Variants in RFX7 observed in about 807,000 individuals in gnomAD.
RFX7 encodes the protein regulatory factor X7, also known as DNA-binding protein RFX7.
In RFX7, 26 loss-of-function variants were observed where a neutral mutation model predicts 111.8. That is an observed-to-expected ratio of 0.23 (90% CI 0.17 to 0.32). RFX7 has a LOEUF of 0.32. Ranked by LOEUF, RFX7 falls within the 10% of genes least tolerant of loss-of-function variation. The pLI is 1.00. For synonymous variants in RFX7, 624 were observed against 624.4 expected (o/e 1.00, Z 0.01); for missense variants, 1,573 against 1,772.9 (o/e 0.89, Z 2.02).
rs9972586 is a variant in RFX7, at chr15:56,092,441, G to A, written c.*904C>T. The A allele has an allele frequency of 0.97, 147,052 of 152,254 alleles. 71,210 individuals carry two copies. Among genetic ancestry groups the A allele is most frequent in the East Asian group, 1 (5,185 of 5,186 alleles). 9.4% of individuals were successfully genotyped at this position (152,254 alleles called of 1,614,324 possible). A position where few individuals can be genotyped will look rare whatever the true frequency, so the allele number is the denominator to read the frequency against. On this transcript the variant is annotated 3_prime_UTR_variant, in exon 10 of 10. Coordinates refer to ENST00000559447, the MANE Select transcript of RFX7 (RefSeq NM_022841.7). ...ATGAAAAATTTCAAAGTAAATCTCA[G>A]TTAGAATCTCAATATGTACATGCAG...
chr15:56,114,813 T>C (rs575760244), intron 5 of RFX7, among the ~76,000 whole-genome samples: 43 of 152,212 alleles, frequency 2.8e-4, no homozygotes, highest in African/African-American at 9.6e-4. Context: ...TGAATCATGA[T>C]TCACAGGTTA....
chr15:56,188,887 C>T (rs933843588), intron 2 of RFX7, among the ~76,000 whole-genome samples: 8 of 152,128 alleles, frequency 5.3e-5, no homozygotes, highest in African/African-American at 9.7e-5. Context: ...GGCTGGAATG[C>T]AGTGGTGCGA....
chr15:56,157,468 G>A (rs1390975363), intron 3 of RFX7, among the ~76,000 whole-genome samples: 2 of 152,042 alleles, frequency 1.3e-5, no homozygotes, highest in African/African-American at 4.8e-5. Flanking sequence ...CTGATTTTTT[G>A]TGCTACATCT....
At chr15:56,155,455 T>C (rs2042640258) in intron 3 of RFX7, among the ~76,000 whole-genome samples, 1 of 152,192 alleles carries the variant, frequency 6.6e-6, no homozygotes, top group Non-Finnish European at 1.5e-5. Flanking sequence ...TGAGTTCATG[T>C]CCTTTGCAGG....
chr15:56,232,130 C>T (rs540846746), intron 2 of RFX7, among the ~76,000 whole-genome samples: 108 of 152,310 alleles, frequency 7.1e-4, no homozygotes, highest in African/African-American at 2.5e-3. Flanking sequence ...ATCTACCATT[C>T]TGGGGTCTGG....
rs189966236 is a variant in RFX7, at chr15:56,224,208, G to A, written c.161+18917C>T. On this transcript the variant is annotated intron_variant, in intron 2 of 9. Coordinates refer to ENST00000559447, the MANE Select transcript of RFX7 (RefSeq NM_022841.7). The stretch of plus-strand genomic sequence containing the variant: ...CGGTGCCAGTCCTGGTAAGGGAACC[G>A]TGTGTAAGAGAAAGGAGGATAGAGA... Among the ~76,000 whole-genome samples the A allele has an allele frequency of 6.7e-3, 1,014 of 152,088 alleles. 6 individuals carry two copies. The highest frequency in any genetic ancestry group is 8.6e-3 in the Non-Finnish European group (587 of 67,950).
In RFX7 at chr15:56,144,503, A is replaced by C. The variant is rs1036828469; in HGVS notation, c.196-20T>G. ...TTCTTGCTATTTACAAAGGATTAAA[A>C]AGAAAGATCATTTTTAAAAAACACT... On this transcript the variant is annotated intron_variant, in intron 3 of 9. Coordinates refer to ENST00000559447, the MANE Select transcript of RFX7 (RefSeq NM_022841.7). 7.7e-7 allele frequency: 1 copy of C among 1,305,186 alleles called. No individual in the cohort carries two copies. Among genetic ancestry groups the C allele is most frequent in the Non-Finnish European group, 1.0e-6 (1 of 970,556 alleles). The allele number at this position is 1,305,186 out of a possible 1,614,324, so 80.9% of individuals were successfully genotyped here. A position where few individuals can be genotyped will look rare whatever the true frequency, so the allele number is the denominator to read the frequency against.
intron 2 of RFX7, among the ~76,000 whole-genome samples, chr15:56,218,685 C>T (rs1465665601): frequency 2.6e-5 from 4 of 152,022 alleles, no homozygotes; most frequent in Admixed American, 6.6e-5. Flanking sequence ...ACAAAGAAGG[C>T]GATAATCACC....
At chr15:56,115,847 C>T (rs2042002540) in intron 5 of RFX7, among the ~76,000 whole-genome samples, 1 of 151,050 alleles carries the variant, frequency 6.6e-6, no homozygotes. Flanking sequence ...GAGGCTGTGG[C>T]AGGAGAATGG....
intron 5 of RFX7, among the ~76,000 whole-genome samples, chr15:56,141,656 A>AATACATATAT (rs1555421060): frequency 1.2e-5 from 1 of 83,210 alleles, no homozygotes; most frequent in African/African-American, 6.6e-5. Flanking sequence ...GCTTACTCTA[A>AATACATATAT]ATATATATAT....
At chr15:56,146,610 G>T (rs1200313041) in intron 3 of RFX7, among the ~76,000 whole-genome samples, 4 of 151,906 alleles carry the variant, frequency 2.6e-5, no homozygotes, top group Non-Finnish European at 2.9e-5. Context: ...GAATAGAAAA[G>T]AAATTCCAGA....
chr15:56,234,814 C>G (rs1196458442), intron 2 of RFX7, among the ~76,000 whole-genome samples: 1 of 152,140 alleles, frequency 6.6e-6, no homozygotes, highest in Admixed American at 6.5e-5. Flanking sequence ...ATTCAATCTC[C>G]AAATTCCTAT....
chr15:56,131,847 T>A (rs1254474527), intron 5 of RFX7, among the ~76,000 whole-genome samples: 1 of 151,692 alleles, frequency 6.6e-6, no homozygotes, highest in African/African-American at 2.4e-5. Flanking sequence ...ATAAACTATC[T>A]AGAAAAGTCA....
At chr15:56,151,985 A>G (rs2042576077) in intron 3 of RFX7, among the ~76,000 whole-genome samples, 1 of 152,170 alleles carries the variant, frequency 6.6e-6, no homozygotes, top group South Asian at 2.1e-4. Flanking sequence ...GGTAAAGGGA[A>G]CAATGTAGCA....
chr15:56,136,703 A>C (rs571202085), intron 5 of RFX7, among the ~76,000 whole-genome samples: 1 of 149,306 alleles, frequency 6.7e-6, no homozygotes, highest in African/African-American at 2.5e-5. Flanking sequence ...CCAGTTTTCA[A>C]AGGGAATGCT....
At chr15:56,176,237 A>T (rs2042901353) in intron 3 of RFX7, among the ~76,000 whole-genome samples, 1 of 152,138 alleles carries the variant, frequency 6.6e-6, no homozygotes, top group Admixed American at 6.5e-5. Context: ...TTAGAAGGGG[A>T]GGAGAGAATC....
chr15:56,107,280 G>C (rs1453154098), intron 5 of RFX7, among the ~76,000 whole-genome samples: 4 of 101,066 alleles, frequency 4.0e-5, no homozygotes, highest in East Asian at 3.2e-4. Flanking sequence ...CTGGGCAGTA[G>C]AGCAAGACTC....
intron 5 of RFX7, among the ~76,000 whole-genome samples, chr15:56,106,352 G>A (rs1361808587): frequency 1.3e-5 from 2 of 152,146 alleles, no homozygotes; most frequent in African/African-American, 4.8e-5. Context: ...GACATAAATA[G>A]CTCAAATTAT....
intron 5 of RFX7, among the ~76,000 whole-genome samples, chr15:56,137,902 A>G (rs2042329096): frequency 6.6e-6 from 1 of 151,976 alleles, no homozygotes; most frequent in Non-Finnish European, 1.5e-5. Context: ...CAGGTTGTTC[A>G]GTTTCCATGT....
Sources: gnomAD v4.1 joint callset for allele counts (sites outside exome capture counted in the v4.1 genomes callset) on GRCh38, gnomAD v4.1.1 for gene constraint, MANE v1.5 for transcripts, NCBI Gene and HGNC (gene_info 2026-07-23, HGNC 2026-07-21) for gene names.